RPS6KC1: variants seen among roughly 807,000 people sequenced by gnomAD.
The protein encoded by RPS6KC1 is inactive ribosomal protein S6 kinase delta-1.
A neutral mutation model predicts 103.8 loss-of-function variants in RPS6KC1; 54 were observed. The observed-to-expected ratio is 0.52, with a 90% CI of 0.42 to 0.65. The LOEUF (loss-of-function observed/expected upper bound fraction) is 0.65, where lower values mean the gene tolerates loss of function less well. Among genes scored for constraint, RPS6KC1 ranks in the 30% least tolerant of loss-of-function variants. The pLI is 0.00. For synonymous variants in RPS6KC1, 439 were observed against 438.7 expected, an observed-to-expected ratio of 1.00 and a Z score of -0.01; for missense variants, 1,151 against 1,253.8, an observed-to-expected ratio of 0.92 and a Z score of 1.24.
the RPS6KC1 span, among the ~76,000 whole-genome samples, chr1:213,504,919 G>A: frequency 2.0e-5 from 3 of 152,100 alleles, no homozygotes; most frequent in African/African-American, 4.8e-5. Context: ...ATGATGCATA[G>A]CATCCATCTG....
At chr1:213,338,846 C>A in the RPS6KC1 span, among the ~76,000 whole-genome samples, 2 of 150,494 alleles carry the variant, frequency 1.3e-5, no homozygotes, top group South Asian at 2.1e-4. Context: ...CTCAAGGGAT[C>A]CTCTTGTGTC....
the RPS6KC1 span, among the ~76,000 whole-genome samples, chr1:213,290,597 TTTG>T: frequency 3.3e-3 from 505 of 152,052 alleles, 1 homozygote; most frequent in African/African-American, 0.01. Flanking sequence ...TCCTAGGGCT[TTTG>T]TTGTTGTTGT....
chr1:213,682,787 T>C, the RPS6KC1 span, among the ~76,000 whole-genome samples: 48 of 152,264 alleles, frequency 3.2e-4, no homozygotes, highest in Admixed American at 2.5e-3. Context: ...ATGGGTGTTT[T>C]TGGGTGCATG....
the RPS6KC1 span, among the ~76,000 whole-genome samples, chr1:213,688,609 C>T: frequency 5.1e-3 from 773 of 152,316 alleles, 7 homozygotes; most frequent in South Asian, 0.013. Flanking sequence ...TGTGATAATG[C>T]CCTCTTCCTG....
the RPS6KC1 span, among the ~76,000 whole-genome samples, chr1:213,427,378 A>C: frequency 1.3e-5 from 2 of 152,062 alleles, no homozygotes; most frequent in African/African-American, 4.8e-5. Context: ...CTTCCCTTGA[A>C]CCATATGCAC....
At chr1:213,707,302 A>G in the RPS6KC1 span, among the ~76,000 whole-genome samples, 14 of 152,328 alleles carry the variant, frequency 9.2e-5, no homozygotes, top group Admixed American at 5.2e-4. Flanking sequence ...ATGAACAGTG[A>G]TGATGAGCTT....
chr1:213,188,549 A>AG (rs1424220622), intron 8 of RPS6KC1, among the ~76,000 whole-genome samples: 2 of 151,892 alleles, frequency 1.3e-5, no homozygotes, highest in Non-Finnish European at 2.9e-5. Context: ...TCTATTGGAG[A>AG]GGGGGGCGTG....
chr1:213,474,687 C>G, the RPS6KC1 span, among the ~76,000 whole-genome samples: 2 of 152,178 alleles, frequency 1.3e-5, no homozygotes, highest in African/African-American at 4.8e-5. Flanking sequence ...TTGGAAAATG[C>G]ATATTATTTA....
chr1:213,783,986 G>A, the RPS6KC1 span, among the ~76,000 whole-genome samples: 1 of 152,020 alleles, frequency 6.6e-6, no homozygotes, highest in Non-Finnish European at 1.5e-5. Context: ...AGGACTAGTG[G>A]GGAGGAAAAA....
At chr1:213,361,949 G>A in the RPS6KC1 span, among the ~76,000 whole-genome samples, 1 of 152,342 alleles carries the variant, frequency 6.6e-6, no homozygotes, top group South Asian at 2.1e-4. Flanking sequence ...ACAGTTGTCT[G>A]TGTGCACAAG....
At chr1:213,856,367 C>A in the RPS6KC1 span, among the ~76,000 whole-genome samples, 3 of 78,554 alleles carry the variant, frequency 3.8e-5, no homozygotes, top group African/African-American at 1.0e-4. Flanking sequence ...CATGCACATA[C>A]ACACACACAT....
chr1:213,359,108 C>T, the RPS6KC1 span, among the ~76,000 whole-genome samples: 4 of 152,194 alleles, frequency 2.6e-5, no homozygotes, highest in African/African-American at 4.8e-5. Context: ...TCCTGGGTAT[C>T]GTTGTGAACT....
intron 6 of RPS6KC1, among the ~76,000 whole-genome samples, chr1:213,137,771 CTCTCTCTATA>C (rs1210777785): frequency 6.0e-5 from 2 of 33,458 alleles, no homozygotes; most frequent in African/African-American, 1.8e-4. Flanking sequence ...CTCTCTCTCT[CTCTCTCTATA>C]TATATATATA....
chr1:213,822,964 C>T, the RPS6KC1 span, among the ~76,000 whole-genome samples: 1 of 152,136 alleles, frequency 6.6e-6, no homozygotes. Flanking sequence ...GTCATTCTGT[C>T]CAGCCCAAAT....
chr1:213,799,133 C>G, the RPS6KC1 span, among the ~76,000 whole-genome samples: 2 of 152,236 alleles, frequency 1.3e-5, no homozygotes, highest in African/African-American at 4.8e-5. Context: ...TTCCTTCCTT[C>G]TGTCCGCCCT....
the RPS6KC1 span, among the ~76,000 whole-genome samples, chr1:213,627,352 A>G: frequency 9.8e-5 from 15 of 152,336 alleles, 2 homozygotes; most frequent in Admixed American, 9.8e-4. Context: ...TAGATATACA[A>G]TCATGTCATC....
chr1:213,259,734 A>T (rs1214082764), intron 12 of RPS6KC1, among the ~76,000 whole-genome samples: 46 of 97,892 alleles, frequency 4.7e-4, no homozygotes, highest in Admixed American at 7.4e-4. Flanking sequence ...TGTTTTTTTA[A>T]TTTTTTTTTT....
chr1:213,802,283 CACTCTTT>C, the RPS6KC1 span, among the ~76,000 whole-genome samples: 6 of 152,204 alleles, frequency 3.9e-5, no homozygotes, highest in Non-Finnish European at 7.3e-5. Context: ...TAACTGCTGC[CACTCTTT>C]ACCTATTTGA....
the RPS6KC1 span, among the ~76,000 whole-genome samples, chr1:213,630,537 G>C: frequency 6.6e-6 from 1 of 151,978 alleles, no homozygotes; most frequent in Non-Finnish European, 1.5e-5. Context: ...TCCTCCTTTA[G>C]CTCGGAGTAG....
Sources: allele counts gnomAD v4.1 joint callset (sites outside exome capture counted in the v4.1 genomes callset), GRCh38; gene constraint gnomAD v4.1.1; transcripts MANE v1.5; gene names NCBI Gene and HGNC (gene_info 2026-07-23, HGNC 2026-07-21).